Variants in MED4 observed in about 807,000 individuals in gnomAD.
The protein encoded by MED4 is mediator of RNA polymerase II transcription subunit 4.
In MED4, 21 loss-of-function variants were observed where a neutral mutation model predicts 35.0. The observed-to-expected ratio is 0.60, with a 90% CI of 0.43 to 0.86. The LOEUF is 0.86. Among genes scored for constraint, MED4 ranks in the 40% least tolerant of loss-of-function variants. MED4 has a pLI of 0.00. For missense variants in MED4, 300 were observed against 319.4 expected (o/e 0.94, Z 0.46); for synonymous variants, 138 against 114.0 (o/e 1.21, Z -1.34).
At chr13:48,090,447 A>T (rs1950882569) in intron 1 of MED4, 29 bp from the exon 2 acceptor site, 1 of 1,551,932 alleles carries the variant, frequency 6.4e-7, no homozygotes, top group East Asian at 2.3e-5. Context: ...CAACAACAAA[A>T]ACCCTTTCAC....
At chr13:48,086,490 A>T in intron 2 of MED4, 38 bp from the exon 3 acceptor site, 1 of 1,567,862 alleles carries the variant, frequency 6.4e-7, no homozygotes, top group Non-Finnish European at 8.7e-7. Flanking sequence ...ACAATAGACT[A>T]CTGAAAGGCT....
chr13:48,084,633 T>C (rs1950836293), intron 3 of MED4, among the ~76,000 whole-genome samples: 1 of 152,138 alleles, frequency 6.6e-6, no homozygotes, highest in Non-Finnish European at 1.5e-5. Flanking sequence ...TGAAAGTCTG[T>C]TAGTATCCTG....
chr13:48,089,222 A>G (rs12428098), intron 2 of MED4, among the ~76,000 whole-genome samples: 5,363 of 152,092 alleles, frequency 0.035, 212 homozygotes, highest in East Asian at 0.097. Context: ...ACTACCCCTA[A>G]GGTTAGCTGT....
chr13:48,083,196 C>T (rs1451926411), intron 4 of MED4, among the ~76,000 whole-genome samples, 175 bp downstream of exon 4: 2 of 152,234 alleles, frequency 1.3e-5, no homozygotes, highest in Admixed American at 1.3e-4. Context: ...AGATGTGATA[C>T]TTCTACCTCC....
At chr13:48,080,216 G>T (rs1486141463) in intron 5 of MED4, among the ~76,000 whole-genome samples, 1 of 151,820 alleles carries the variant, frequency 6.6e-6, no homozygotes, top group African/African-American at 2.4e-5. Context: ...GGCCAGCATG[G>T]TGAAACCCCG....
At chr13:48,089,085 A>G (rs895109608) in intron 2 of MED4, among the ~76,000 whole-genome samples, 3 of 152,254 alleles carry the variant, frequency 2.0e-5, no homozygotes, top group African/African-American at 4.8e-5. Flanking sequence ...TACTTCTTGC[A>G]TACTTTGTAT....
At chr13:48,091,888 C>G (rs532809484) in intron 1 of MED4, among the ~76,000 whole-genome samples, 2 of 152,156 alleles carry the variant, frequency 1.3e-5, no homozygotes, top group South Asian at 4.1e-4. Flanking sequence ...TGACATAAGA[C>G]ACGGATTAAA....
chr13:48,080,906 C>G (rs1950803694), intron 5 of MED4, among the ~76,000 whole-genome samples: 1 of 152,154 alleles, frequency 6.6e-6, no homozygotes, highest in African/African-American at 2.4e-5. Context: ...CCATCCCAAA[C>G]ATGAAAGCAC....
chr13:48,079,423 C>T (rs1168967701), intron 6 of MED4, among the ~76,000 whole-genome samples: 2 of 152,110 alleles, frequency 1.3e-5, no homozygotes, highest in Non-Finnish European at 2.9e-5. Context: ...AATAAACCGG[C>T]AAAGAATCTA....
At chr13:48,085,354 A>C (rs1296261096) in intron 3 of MED4, among the ~76,000 whole-genome samples, 2 of 151,936 alleles carry the variant, frequency 1.3e-5, no homozygotes, top group African/African-American at 2.4e-5. Flanking sequence ...TGTATTTGTA[A>C]TAGAGACAGG....
chr13:48,077,702 T>G (rs1383289450), intron 6 of MED4: 1 of 153,632 alleles, frequency 6.5e-6, no homozygotes, highest in Non-Finnish European at 1.4e-5. Flanking sequence ...TAAGCTATTG[T>G]GCCAATTTTT....
rs1593546028 is a variant in MED4 at position 48,086,264 on chromosome 13, CA to C, written c.363+17del. ...CAACATCCTTTTTAACCTTAAGAACCAACCTCTGTCAACTTACCAGTATTTG... is the reference window on the plus strand; with the variant it reads ...CAACATCCTTTTTAACCTTAAGAACCACCTCTGTCAACTTACCAGTATTTG... On this transcript the variant is annotated intron_variant, in intron 3 of 6. Transcript: ENST00000258648. 2 of 1,608,832 alleles carry C rather than the reference CA, an allele frequency of 1.2e-6. No homozygotes were observed. The highest frequency in any genetic ancestry group is 2.7e-5 in the African/African-American group (2 of 74,486).
chr13:48,083,765 A>C (rs1950827761), intron 3 of MED4, among the ~76,000 whole-genome samples: 1 of 152,210 alleles, frequency 6.6e-6, no homozygotes, highest in East Asian at 1.9e-4. Flanking sequence ...TATTCTTGCA[A>C]CTAGTTCAAG....
At chr13:48,080,079 G>A (rs1337050142) in intron 5 of MED4, 104 bp from the exon 6 acceptor site, 4 of 1,323,718 alleles carry the variant, frequency 3.0e-6, no homozygotes, top group Non-Finnish European at 4.1e-6. Flanking sequence ...GAAAAGTTCA[G>A]GCTACATTTT....
chr13:48,093,506 C>T (rs1433211867), intron 1 of MED4: 1 of 397,968 alleles, frequency 2.5e-6, no homozygotes, highest in Non-Finnish European at 5.2e-6. Context: ...CATTCAGAGA[C>T]TGACAAACTT....
chr13:48,083,492 C>T (rs1950825660), intron 3 of MED4, 64 bp from the exon 4 acceptor site: 1 of 1,365,626 alleles, frequency 7.3e-7, no homozygotes, highest in Non-Finnish European at 1.0e-6. Context: ...TAGTTTTTGG[C>T]TTAATTCACA....
intron 2 of MED4, among the ~76,000 whole-genome samples, chr13:48,089,925 A>T (rs1265669579): frequency 6.6e-6 from 1 of 152,246 alleles, no homozygotes; most frequent in Non-Finnish European, 1.5e-5. Flanking sequence ...GTCTAATAAG[A>T]GTTGTATGCT....
Position 48,077,206 on chromosome 13 carries a change from T to C in MED4, c.746A>G (p.Lys249Arg), listed in dbSNP as rs1476776425. The stretch of plus-strand genomic sequence containing the variant: ...AATCTCTACATCATCTTCATTTTCT[T>C]TATTATGCCCAGGAGGTTCCAACAA... Reference protein sequence around the residue: ...DFLLEPPGHNKENEDDVEIMS... With the variant: ...DFLLEPPGHNRENEDDVEIMS... Residue 249 changes from lysine to arginine, a missense_variant, in exon 7 of 7, where the codon AAA becomes AGA. Lys to Arg is a conservative substitution (Grantham distance 26, BLOSUM62 2). Coordinates refer to ENST00000258648, the MANE Select transcript of MED4 (RefSeq NM_014166.4). The C allele has an allele frequency of 1.2e-6, 2 of 1,609,276 alleles. No homozygotes were observed. Among genetic ancestry groups the C allele is most frequent in the Non-Finnish European group, 1.7e-6 (2 of 1,178,588 alleles).
intron 3 of MED4, among the ~76,000 whole-genome samples, chr13:48,084,265 C>CAAAAAAAAAAAAAAAAAAAAAAAAAAAAA (rs71099664): frequency 2.7e-5 from 3 of 109,952 alleles, no homozygotes; most frequent in African/African-American, 1.1e-4. Flanking sequence ...GACTCTGTCT[C>CAAAAAAAAAAAAAAAAAAAAAAAAAAAAA]AAAAAAAAAA....
Sources: gnomAD v4.1 joint callset for allele counts (sites outside exome capture counted in the v4.1 genomes callset) on GRCh38, gnomAD v4.1.1 for gene constraint, MANE v1.5 for transcripts, NCBI Gene and HGNC (gene_info 2026-07-23, HGNC 2026-07-21) for gene names.